VTI1A: variants seen among roughly 807,000 people sequenced by gnomAD.
The protein encoded by VTI1A is vesicle transport through interaction with t-SNAREs homolog 1A.
VTI1A carries 22 observed loss-of-function variants against 34.9 expected under a neutral mutation model. That is an observed-to-expected ratio of 0.63 (90% CI 0.45 to 0.90). VTI1A has a LOEUF of 0.90. Among genes scored for constraint, VTI1A ranks in the 40% least tolerant of loss-of-function variants. The pLI, the probability that VTI1A is intolerant of heterozygous loss-of-function variation, is 0.00. For synonymous variants in VTI1A, 87 were observed against 97.3 expected, an observed-to-expected ratio of 0.89 and a Z score of 0.62; for missense variants, 268 against 275.6, an observed-to-expected ratio of 0.97 and a Z score of 0.20.
At chr10:112,831,446 C>A in the VTI1A span, 4 of 152,288 alleles carry the variant, frequency 2.6e-5, no homozygotes, top group African/African-American at 9.6e-5. Context: ...CAGACGGCTG[C>A]CTTGGATGAA....
intron 1 of VTI1A, among the ~76,000 whole-genome samples, chr10:112,451,721 A>G (rs975680319): frequency 2.0e-5 from 3 of 152,228 alleles, no homozygotes; most frequent in African/African-American, 4.8e-5. Flanking sequence ...CCACGTGTAG[A>G]TGAAGGCATA....
At chr10:112,668,364 A>G in intron 6 of VTI1A, 76 bp downstream of exon 6, 1 of 1,450,480 alleles carries the variant, frequency 6.9e-7, no homozygotes, top group East Asian at 2.4e-5. Context: ...GACATAAACA[A>G]TAGCAATTAG....
chr10:112,746,826 C>T (rs1397627957), intron 7 of VTI1A, among the ~76,000 whole-genome samples: 1 of 152,180 alleles, frequency 6.6e-6, no homozygotes, highest in Non-Finnish European at 1.5e-5. Flanking sequence ...CTAAACAAGT[C>T]AATGGAATCA....
chr10:112,707,565 C>CAG lies in VTI1A; in HGVS notation c.560+38567_560+38568insAG, dbSNP rs554702215. On this transcript the variant is annotated intron_variant, in intron 7 of 7. Coordinates refer to ENST00000393077, the MANE Select transcript of VTI1A (RefSeq NM_145206.4). The stretch of plus-strand genomic sequence containing the variant: ...GTCAGGCTGGTCTCGAACTCCTGAC[C>CAG]TGGTGGTCTGCCCGCCTCTGCCTCC... Among the ~76,000 whole-genome samples the CAG allele has an allele frequency of 5.9e-3, 901 of 152,250 alleles. 2 individuals carry two copies. Among genetic ancestry groups the CAG allele is most frequent in the Non-Finnish European group, 8.5e-3 (581 of 68,018 alleles).
chr10:112,795,169 T>C (rs1257505069), intron 7 of VTI1A, among the ~76,000 whole-genome samples: 1 of 152,222 alleles, frequency 6.6e-6, no homozygotes, highest in Admixed American at 6.5e-5. Flanking sequence ...CACTGTTGTA[T>C]TGCATGTGGT....
At chr10:112,611,737 A>ATTTTTTTTTTTTTTTTTTTCTTTT (rs1845317384) in intron 5 of VTI1A, among the ~76,000 whole-genome samples, 1 of 100,856 alleles carries the variant, frequency 9.9e-6, no homozygotes, top group Non-Finnish European at 1.9e-5. Flanking sequence ...GAGAAAGGTA[A>ATTTTTTTTTTTTTTTTTTTCTTTT]TTTTTTTTTT....
chr10:112,740,703 T>G (rs1850665176), intron 7 of VTI1A, among the ~76,000 whole-genome samples: 1 of 152,240 alleles, frequency 6.6e-6, no homozygotes. Context: ...GAAATTGGAA[T>G]GCTCATGTGC....
chr10:112,722,504 T>C (rs973676145), intron 7 of VTI1A, among the ~76,000 whole-genome samples: 2 of 152,082 alleles, frequency 1.3e-5, no homozygotes, highest in African/African-American at 4.8e-5. Flanking sequence ...GAACTTAAAG[T>C]ATAATAATAA....
At chr10:112,783,401 G>GCACA (rs58560251) in intron 7 of VTI1A, among the ~76,000 whole-genome samples, 13,067 of 150,166 alleles carry the variant, frequency 0.087, 697 homozygotes, top group East Asian at 0.23. Flanking sequence ...GCGTGCACGT[G>GCACA]CACACACACA....
rs535353403 is a variant in VTI1A at position 112,716,903 on chromosome 10, G to A, written c.560+47905G>A. 1.2e-3 allele frequency among the ~76,000 whole-genome samples: 186 copies of A among 152,326 alleles called. No individual in the cohort carries two copies. In the Middle Eastern group the frequency reaches 0.014, roughly 11 times the overall value. On this transcript the variant is annotated intron_variant, in intron 7 of 7. Transcript: ENST00000393077. The stretch of plus-strand genomic sequence containing the variant: ...GGAAAAAAGACAAGGCGGGAGCCAG[G>A]GTTTGAGCCAGTGGTACCTTAGAGG...
chr10:112,469,595 C>T (rs1589802227), intron 3 of VTI1A, among the ~76,000 whole-genome samples: 1 of 152,142 alleles, frequency 6.6e-6, no homozygotes, highest in South Asian at 2.1e-4. Context: ...TTGAGTAGCC[C>T]TACTTTTATG....
chr10:112,574,065 C>G (rs1317187107), intron 5 of VTI1A, among the ~76,000 whole-genome samples: 1 of 151,948 alleles, frequency 6.6e-6, no homozygotes, highest in Non-Finnish European at 1.5e-5. Context: ...CCATTTTTTT[C>G]TAAATTACTT....
intron 7 of VTI1A, among the ~76,000 whole-genome samples, chr10:112,698,492 G>GT (rs1848873804): frequency 1.3e-5 from 2 of 152,266 alleles, no homozygotes; most frequent in South Asian, 2.1e-4. Flanking sequence ...TCTAGCTTCA[G>GT]TTTTTTTAAG....
At chr10:112,458,002 G>A (rs2134034069) in intron 1 of VTI1A, among the ~76,000 whole-genome samples, 1 of 152,278 alleles carries the variant, frequency 6.6e-6, no homozygotes, top group South Asian at 2.1e-4. Flanking sequence ...TGGAATGGTG[G>A]GGGCAGGAGT....
intron 7 of VTI1A, among the ~76,000 whole-genome samples, chr10:112,709,891 A>G (rs763473466): frequency 1.4e-5 from 2 of 148,048 alleles, no homozygotes; most frequent in Non-Finnish European, 3.0e-5. Context: ...GAGTTTCACC[A>G]TGTTGCCCAG....
chr10:112,727,590 G>C (rs1339538978), intron 7 of VTI1A, among the ~76,000 whole-genome samples: 1 of 152,174 alleles, frequency 6.6e-6, no homozygotes, highest in Non-Finnish European at 1.5e-5. Context: ...TGTGGAAGTT[G>C]TGAGGCTTTC....
chr10:112,464,401 T>C, intron 2 of VTI1A, 146 bp from the exon 3 acceptor site: 1 of 648,186 alleles, frequency 1.5e-6, no homozygotes, highest in Non-Finnish European at 2.6e-6. Flanking sequence ...AAAAGTAGTT[T>C]CAGTGTTATT....
rs11813844 is a variant in VTI1A at position 112,499,137 on chromosome 10, T to C, written c.265-27950T>C. Among the ~76,000 whole-genome samples, 978 of 152,256 alleles carry C rather than the reference T, an allele frequency of 6.4e-3. 15 individuals are homozygous for C. Among genetic ancestry groups the C allele is most frequent in the African/African-American group, 0.022 (933 of 41,548 alleles). On this transcript the variant is annotated intron_variant, in intron 3 of 7. Transcript: ENST00000393077. ...TTTAATAAGTATATATAAGGAAAAATTAGAGTATTTAACTTCTTTTTACAT... is the reference window on the plus strand; with the variant it reads ...TTTAATAAGTATATATAAGGAAAAACTAGAGTATTTAACTTCTTTTTACAT...
chr10:112,638,950 T>C (rs1846465050), intron 5 of VTI1A, among the ~76,000 whole-genome samples: 1 of 152,052 alleles, frequency 6.6e-6, no homozygotes. Context: ...GTATCAGCAT[T>C]TAAAAGCCTG....
Sources: gnomAD v4.1 joint callset for allele counts (sites outside exome capture counted in the v4.1 genomes callset) on GRCh38, gnomAD v4.1.1 for gene constraint, MANE v1.5 for transcripts, NCBI Gene and HGNC (gene_info 2026-07-23, HGNC 2026-07-21) for gene names.